KLHL1: variants seen among roughly 807,000 people sequenced by gnomAD.
KLHL1 encodes the protein kelch-like protein 1.
In KLHL1, 47 loss-of-function variants were observed where a neutral mutation model predicts 77.7. The ratio of observed to expected loss-of-function variants is 0.60; its 90% confidence interval spans 0.48 to 0.77. The LOEUF is 0.77. Among genes scored for constraint, KLHL1 ranks in the 30% least tolerant of loss-of-function variants. The pLI, the probability that KLHL1 is intolerant of heterozygous loss-of-function variation, is 0.00. For synonymous variants in KLHL1, 360 were observed against 325.2 expected (o/e 1.11, Z -1.15); for missense variants, 925 against 910.8 (o/e 1.02, Z -0.20).
chr13:69,796,682 A>T, intron 7 of KLHL1, 56 bp downstream of exon 7: 8 of 1,201,970 alleles, frequency 6.7e-6, no homozygotes, highest in Non-Finnish European at 9.7e-6. Flanking sequence ...TTTATCATAT[A>T]GTTACATTAT....
intron 6 of KLHL1, chr13:69,802,829 C>A (rs1026928216): frequency 6.6e-6 from 1 of 152,152 alleles, no homozygotes; most frequent in African/African-American, 2.4e-5. Flanking sequence ...GCTGAATAAA[C>A]CGCTTCCTTC....
chr13:70,090,530 T>C (rs1207708094), intron 1 of KLHL1, among the ~76,000 whole-genome samples: 1 of 151,978 alleles, frequency 6.6e-6, no homozygotes, highest in Non-Finnish European at 1.5e-5. Context: ...CATTATCCTC[T>C]GCTCTTTCTC....
intron 7 of KLHL1, among the ~76,000 whole-genome samples, chr13:69,776,157 G>A (rs1184852338): frequency 3.3e-5 from 5 of 149,358 alleles, no homozygotes; most frequent in Admixed American, 6.7e-5. Flanking sequence ...CTCCGTCTCG[G>A]AAAAAAAAAT....
At chr13:70,070,905 T>G (rs1010223430) in intron 1 of KLHL1, among the ~76,000 whole-genome samples, 1 of 151,916 alleles carries the variant, frequency 6.6e-6, no homozygotes, top group Admixed American at 6.6e-5. Context: ...CCATTTTTTT[T>G]AAAGAACTAT....
chr13:70,082,212 A>G (rs1398383247), intron 1 of KLHL1, among the ~76,000 whole-genome samples: 3 of 151,886 alleles, frequency 2.0e-5, no homozygotes, highest in African/African-American at 7.3e-5. Flanking sequence ...TCTTTTCTTT[A>G]TAAATTACCC....
chr13:69,965,979 A>G (rs547884325), intron 2 of KLHL1, among the ~76,000 whole-genome samples: 2 of 152,304 alleles, frequency 1.3e-5, no homozygotes, highest in South Asian at 2.1e-4. Context: ...AGTCTTCTCC[A>G]TAACATAAAA....
chr13:70,029,827 C>T (rs1172667122), intron 1 of KLHL1, among the ~76,000 whole-genome samples: 1 of 152,060 alleles, frequency 6.6e-6, no homozygotes, highest in Admixed American at 6.6e-5. Flanking sequence ...TAGTCAAGAC[C>T]CATCAGTGTG....
intron 4 of KLHL1, among the ~76,000 whole-genome samples, chr13:69,913,727 GTTACTAT>G (rs1882321604): frequency 6.6e-6 from 1 of 152,172 alleles, no homozygotes; most frequent in Non-Finnish European, 1.5e-5. Context: ...CAATATTGTA[GTTACTAT>G]TTACACTACT....
intron 4 of KLHL1, among the ~76,000 whole-genome samples, chr13:69,909,723 T>G (rs2138241087): frequency 6.6e-6 from 1 of 152,212 alleles, no homozygotes; most frequent in African/African-American, 2.4e-5. Context: ...TGTGTGAAGA[T>G]AATACACAAA....
rs189862430 is a variant in KLHL1, at chr13:69,975,805, A to G, written c.498-3T>C. On this transcript the variant is annotated splice_region_variant and splice_polypyrimidine_tract_variant and intron_variant, in intron 1 of 10. Transcript: ENST00000377844. Reference sequence around the variant, plus strand: ...TTGAATGGCCGGTTGATGACAGCCTATAAACCACACACACACACACACACA... The same window carrying G: ...TTGAATGGCCGGTTGATGACAGCCTGTAAACCACACACACACACACACACA... 2,565 of 1,603,000 alleles carry G rather than the reference A, an allele frequency of 1.6e-3. 38 individuals carry two copies. In the African/African-American group the frequency reaches 0.031, roughly 19 times the overall value.
intron 1 of KLHL1, among the ~76,000 whole-genome samples, chr13:70,071,520 T>C (rs777771017): frequency 6.6e-6 from 1 of 152,018 alleles, no homozygotes; most frequent in Non-Finnish European, 1.5e-5. Context: ...CAGCAGAATA[T>C]GCGATCTTCT....
At chr13:69,852,004 T>C (rs1264422554) in intron 5 of KLHL1, among the ~76,000 whole-genome samples, 2 of 151,932 alleles carry the variant, frequency 1.3e-5, no homozygotes, top group East Asian at 3.9e-4. Flanking sequence ...ATTCAAACCA[T>C]CTTGTTATGA....
At chr13:70,082,288 GGAGC>G (rs1270066665) in intron 1 of KLHL1, among the ~76,000 whole-genome samples, 2 of 143,372 alleles carry the variant, frequency 1.4e-5, no homozygotes, top group Non-Finnish European at 3.0e-5. Context: ...AGTTTAACCA[GGAGC>G]CCTTCCTCCT....
chr13:70,013,387 T>G (rs1417876878), intron 1 of KLHL1, among the ~76,000 whole-genome samples: 1 of 152,200 alleles, frequency 6.6e-6, no homozygotes, highest in Non-Finnish European at 1.5e-5. Flanking sequence ...TCCATATCTC[T>G]TTTAAACTAG....
chr13:69,868,638 GTTAT>G (rs1446165036), intron 5 of KLHL1, among the ~76,000 whole-genome samples: 8 of 151,928 alleles, frequency 5.3e-5, no homozygotes, highest in Admixed American at 1.3e-4. Context: ...TATCTGCGTT[GTTAT>G]TTATTTTGTG....
At chr13:69,982,925 C>T (rs1459527743) in intron 1 of KLHL1, among the ~76,000 whole-genome samples, 3 of 152,096 alleles carry the variant, frequency 2.0e-5, no homozygotes, top group African/African-American at 7.2e-5. Context: ...TAAATTGTCC[C>T]TGTTTGCAGA....
rs551593382 is a variant in KLHL1, at chr13:69,767,489, G to A, written c.1640-26933C>T. Among the ~76,000 whole-genome samples the A allele has an allele frequency of 3.2e-4, 48 of 152,166 alleles. No homozygotes were observed. In the South Asian group the frequency reaches 8.9e-3, roughly 28 times the overall value. On this transcript the variant is annotated intron_variant, in intron 7 of 10. Coordinates refer to ENST00000377844, the MANE Select transcript of KLHL1 (RefSeq NM_020866.3). ...AGGTGGGAGAATGGCTTGAGGCCAG[G>A]AGTTTGAGACCAGCCTGGGTAACAT...
intron 2 of KLHL1, among the ~76,000 whole-genome samples, chr13:69,962,378 G>A (rs2137272265): frequency 6.6e-6 from 1 of 151,998 alleles, no homozygotes; most frequent in Admixed American, 6.6e-5. Flanking sequence ...TTTACATTTA[G>A]GTAGATGACT....
At chr13:69,879,265 C>T (rs1880889574) in intron 5 of KLHL1, among the ~76,000 whole-genome samples, 1 of 152,042 alleles carries the variant, frequency 6.6e-6, no homozygotes, top group South Asian at 2.1e-4. Flanking sequence ...TACTTTGATT[C>T]ATGGTACTTT....
Sources: gnomAD v4.1 joint callset for allele counts (sites outside exome capture counted in the v4.1 genomes callset) on GRCh38, gnomAD v4.1.1 for gene constraint, MANE v1.5 for transcripts, NCBI Gene and HGNC (gene_info 2026-07-23, HGNC 2026-07-21) for gene names.